The following CTC1 variants were observed in gnomAD, a reference collection of about 807,000 sequenced individuals.
CTC1 encodes CST complex subunit CTC1.
In CTC1, 91 loss-of-function variants were observed where a neutral mutation model predicts 136.3. The observed-to-expected ratio is 0.67, with a 90% CI of 0.56 to 0.79. CTC1 has a LOEUF of 0.79. CTC1 is among the 30% of genes least tolerant of loss of function. The probability of loss-of-function intolerance (pLI) is 0.00; values close to 1 mark genes in which losing one functional copy is unlikely to be tolerated. For missense variants in CTC1, 1,432 were observed against 1,498.1 expected (o/e 0.96, Z 0.73); for synonymous variants, 606 against 613.8 (o/e 0.99, Z 0.19).
At chr17:8,229,053 G>A in intron 20 of CTC1, 89 bp downstream of exon 20, 1 of 1,497,328 alleles carries the variant, frequency 6.7e-7, no homozygotes, top group Non-Finnish European at 9.2e-7. Context: ...ATTCTCATGA[G>A]CCAGGAATTA....
chr17:8,235,543 C>T (rs76572734), intron 7 of CTC1, among the ~76,000 whole-genome samples: 4 of 152,236 alleles, frequency 2.6e-5, no homozygotes, highest in South Asian at 2.1e-4. Flanking sequence ...CTCACCGGGT[C>T]GCCTGAGATC....
In CTC1 at chr17:8,229,925, G is replaced by T. The variant is rs1413022116; in HGVS notation, c.2977C>A (p.Gln993Lys). 1 of 1,613,992 alleles carries T rather than the reference G, an allele frequency of 6.2e-7. No homozygotes were observed. The highest frequency in any genetic ancestry group is 8.5e-7 in the Non-Finnish European group (1 of 1,180,014). Reference protein sequence around the residue: ...YCCFRSSTYVQVLSFPPETTI... With the variant: ...YCCFRSSTYVKVLSFPPETTI... ...GTCTCAGGGGGAAAACTCAGGACCT[G>T]CACATAAGTGGATGACCGGAAACAA... Residue 993 changes from glutamine to lysine, a missense_variant, in exon 18 of 23, where the codon CAG becomes AAG. Transcript: ENST00000651323.
At chr17:8,237,862 T>C (rs1252900943) in intron 4 of CTC1, among the ~76,000 whole-genome samples, 169 bp downstream of exon 4, 5 of 152,146 alleles carry the variant, frequency 3.3e-5, no homozygotes, top group Admixed American at 3.3e-4. Context: ...CACAGATCCC[T>C]TGAACAACCC....
rs756203680 is a variant in CTC1, at chr17:8,231,730, G to C, written c.2471C>G (p.Pro824Arg). 1.2e-6 allele frequency: 2 copies of C among 1,613,824 alleles called. No homozygotes were observed. Among genetic ancestry groups the C allele is most frequent in the Non-Finnish European group, 8.5e-7 (1 of 1,179,716 alleles). The change falls in exon 14 of 23, where the codon CCC becomes CGC. Residue 824 changes from proline to arginine, a missense_variant. Transcript: ENST00000651323. ...GQVYRLIAPG[P>R]ATPMLFEKDG... ...ATGATGAAGTAGGACACTCACAGCG[G>C]GGCCAGGAGCTATGAGTCGGTACAC...
chr17:8,246,089 C>T lies in CTC1; in HGVS notation c.33+1915G>A, dbSNP rs1008396050. On this transcript the variant is annotated intron_variant, in intron 1 of 22. Transcript: ENST00000651323. ...GGCGTGGTAGCACACGCCAGTAGTC[C>T]CAGCTACTTGGGAGGCTGAGGTGGG... 2.0e-5 allele frequency among the ~76,000 whole-genome samples: 3 copies of T among 151,880 alleles called. 1 individual carries two copies. The East Asian group carries it at 5.8e-4, about 30-fold the overall frequency.
At position 8,230,134 on chromosome 17, in the gene CTC1, C is replaced by A. The variant is rs537223681; in HGVS notation, c.2933+160G>T. On this transcript the variant is annotated intron_variant, in intron 17 of 22. Transcript: ENST00000651323. ...GAAGACTAGGAGGAGGACCAGCCTG[C>A]AACACCTCGTGAGGGTACTGGCTGG... 2.8e-4 allele frequency: 266 copies of A among 956,222 alleles called. 1 individual carries two copies. In the South Asian group the frequency reaches 4.1e-3, roughly 15 times the overall value. 59.2% of individuals were successfully genotyped at this position (956,222 alleles called of 1,614,324 possible).
In CTC1 at chr17:8,235,852, C is replaced by T. The variant is rs1567609873; in HGVS notation, c.1185G>A (p.Met395Ile). ...ATACCTGCAGACACACTCCAGGTCGCATCACCCGCCTAAGGCCACGGAACT... is the reference window on the plus strand; with the variant it reads ...ATACCTGCAGACACACTCCAGGTCGTATCACCCGCCTAAGGCCACGGAACT... ...YQQFRGLRRV[M>I]RPGVCLQLQD... Residue 395 changes from methionine to isoleucine, a missense_variant, in exon 7 of 23, where the codon ATG (methionine) becomes ATA (isoleucine). Coordinates refer to ENST00000651323, the MANE Select transcript of CTC1 (RefSeq NM_025099.6). 3.1e-6 allele frequency: 5 copies of T among 1,612,850 alleles called. No individual in the cohort carries two copies. Among genetic ancestry groups the T allele is most frequent in the Admixed American group, 3.3e-5 (2 of 59,956 alleles).
At position 8,231,758 on chromosome 17, in the gene CTC1, G is replaced by A; in HGVS notation, c.2443C>T (p.Gln815Ter). The change falls in exon 14 of 23, where the codon CAG becomes TAG. Residue 815 changes from glutamine to a stop codon, truncating the protein, a stop_gained. Coordinates refer to ENST00000651323, the MANE Select transcript of CTC1 (RefSeq NM_025099.6). LOFTEE classifies it high-confidence loss of function. ...CCAGGAGCTATGAGTCGGTACACCT[G>A]TCCCGGGTGCAAGAACTCAAACCAG... ...VRWFEFLHPG[Q>*]VYRLIAPGPA... is the part of the protein sequence containing the mutation. 6.2e-7 allele frequency: 1 copy of A among 1,614,192 alleles called. No individual in the cohort carries two copies. Among genetic ancestry groups the A allele is most frequent in the Non-Finnish European group, 8.5e-7 (1 of 1,180,026 alleles).
rs976738676 is a variant in CTC1 at position 8,226,236 on chromosome 17, G to C, written c.*1944C>G. On this transcript the variant is annotated 3_prime_UTR_variant, in exon 23 of 23. Coordinates refer to ENST00000651323, the MANE Select transcript of CTC1 (RefSeq NM_025099.6). The stretch of plus-strand genomic sequence containing the variant: ...AATCACGCTGTTTCAATTGAATAAA[G>C]GCACCGCTGGGATTCGAACCCAGGA... 2.0e-5 allele frequency: 3 copies of C among 152,242 alleles called. No homozygotes were observed. Among genetic ancestry groups the C allele is most frequent in the African/African-American group, 4.8e-5 (2 of 41,430 alleles). The allele number at this position is 152,242 out of a possible 1,614,324, so 9.4% of individuals were successfully genotyped here. A position where few individuals can be genotyped will look rare whatever the true frequency, so the allele number is the denominator to read the frequency against.
chr17:8,235,735 T>C, intron 7 of CTC1, 96 bp downstream of exon 7: 1 of 1,349,456 alleles, frequency 7.4e-7, no homozygotes, highest in East Asian at 2.4e-5. Flanking sequence ...TTAATTTCTA[T>C]ATTTCTATAT....
chr17:8,230,593 G>A lies in CTC1; in HGVS notation c.2728C>T (p.Pro910Ser). 6 of 1,614,150 alleles carry A rather than the reference G, an allele frequency of 3.7e-6. No individual in the cohort carries two copies. The highest frequency in any genetic ancestry group is 5.1e-6 in the Non-Finnish European group (6 of 1,180,014). Residue 910 changes from proline to serine, a missense_variant, in exon 16 of 23, where the codon CCC becomes TCC. Physicochemically the swap from Pro to Ser is moderately conservative, Grantham distance 74 (BLOSUM62 -1). Coordinates refer to ENST00000651323, the MANE Select transcript of CTC1 (RefSeq NM_025099.6). ...AEILSRTLCEPLVASLWMKLG... is the reference protein window; with the variant it reads ...AEILSRTLCESLVASLWMKLG... The stretch of plus-strand genomic sequence containing the variant: ...TTCATCCAGAGAGACGCCACAAGGG[G>A]TTCACATAGTGTCCGTGACAAAATC...
chr17:8,235,334 C>T (rs762581939), intron 7 of CTC1, 49 bp from the exon 8 acceptor site: 1 of 1,412,700 alleles, frequency 7.1e-7, no homozygotes, highest in South Asian at 1.2e-5. Flanking sequence ...GACCCCAACT[C>T]AATGAACCCA....
chr17:8,232,264 G>A (rs764567664), intron 12 of CTC1, 37 bp from the exon 13 acceptor site: 6 of 1,542,652 alleles, frequency 3.9e-6, no homozygotes, highest in East Asian at 2.3e-5. Context: ...TCTTAGTGAT[G>A]CAGGCATTGG....
At chr17:8,243,960 CGGGAGGCTGAGAT>C (rs930969741) in intron 1 of CTC1, among the ~76,000 whole-genome samples, 9 of 152,108 alleles carry the variant, frequency 5.9e-5, no homozygotes, top group African/African-American at 2.2e-4. Flanking sequence ...TCCAGCTACT[CGGGAGGCTGAGAT>C]GGGAGGATCA....
chr17:8,247,860 G>C, intron 1 of CTC1, 144 bp downstream of exon 1: 1 of 747,946 alleles, frequency 1.3e-6, no homozygotes, highest in South Asian at 1.6e-5. Context: ...GTAAGAGGTA[G>C]GAGCGGACCG....
In CTC1 at chr17:8,227,096, T is replaced by C. The variant is rs1986786644; in HGVS notation, c.*1084A>G. The C allele has an allele frequency of 6.6e-6, 1 of 150,534 alleles. No individual in the cohort carries two copies. Among genetic ancestry groups the C allele is most frequent in the Non-Finnish European group, 1.5e-5 (1 of 68,032 alleles). 9.3% of individuals were successfully genotyped at this position (150,534 alleles called of 1,614,324 possible). A position where few individuals can be genotyped will look rare whatever the true frequency, so the allele number is the denominator to read the frequency against. On this transcript the variant is annotated 3_prime_UTR_variant, in exon 23 of 23. Transcript: ENST00000651323. ...TTTCCGGGTCTACTTCAAATCTTAATATAGGGTATTGCTACCATAAAAGCA... is the reference window on the plus strand; with the variant it reads ...TTTCCGGGTCTACTTCAAATCTTAACATAGGGTATTGCTACCATAAAAGCA...
At position 8,228,459 on chromosome 17, in the gene CTC1, C is replaced by CCATGATCCCCCTATCAT. The variant is rs757422154; in HGVS notation, c.3514+27_3514+43dup. Reference sequence around the variant, plus strand: ...CCCAGGGACCCATCTATCTCTATCACCATGATCCCCCTATCATCATGATCC... The same window carrying CCATGATCCCCCTATCAT: ...CCCAGGGACCCATCTATCTCTATCACCATGATCCCCCTATCATCATGATCCCCCTATCATCATGATCC... On this transcript the variant is annotated intron_variant, in intron 22 of 22. Coordinates refer to ENST00000651323, the MANE Select transcript of CTC1 (RefSeq NM_025099.6). 5.0e-6 allele frequency: 8 copies of CCATGATCCCCCTATCAT among 1,613,742 alleles called. No homozygotes were observed. In the South Asian group the frequency reaches 7.7e-5, roughly 16 times the overall value.
chr17:8,242,533 GA>G (rs58895309), intron 2 of CTC1, among the ~76,000 whole-genome samples: 1,586 of 83,134 alleles, frequency 0.019, 11 homozygotes, highest in African/African-American at 0.068. Flanking sequence ...AGTGTAGAGA[GA>G]AAAAAAAAAA....
intron 4 of CTC1, 92 bp from the exon 5 acceptor site, chr17:8,237,611 G>A: frequency 1.1e-6 from 1 of 912,564 alleles, no homozygotes; most frequent in African/African-American, 1.8e-5. Flanking sequence ...GTTGCAGTAA[G>A]CTGAGATCCC....
Sources: gnomAD v4.1 joint callset for allele counts (sites outside exome capture counted in the v4.1 genomes callset) on GRCh38, gnomAD v4.1.1 for gene constraint, MANE v1.5 for transcripts, NCBI Gene and HGNC (gene_info 2026-07-23, HGNC 2026-07-21) for gene names.